Variants in EML6 observed in about 807,000 individuals in gnomAD.
The protein encoded by EML6 is echinoderm microtubule-associated protein-like 6.
EML6 carries 154 observed loss-of-function variants against 240.1 expected under a neutral mutation model. The observed-to-expected ratio is 0.64, with a 90% CI of 0.56 to 0.73. The LOEUF (loss-of-function observed/expected upper bound fraction) is 0.73, where lower values mean the gene tolerates loss of function less well. EML6 is among the 30% of genes least tolerant of loss of function. EML6 has a pLI of 0.00. For synonymous variants in EML6, 1,148 were observed against 899.0 expected (o/e 1.28, Z -4.95); for missense variants, 2,964 against 2,474.6 (o/e 1.20, Z -4.20).
In EML6 at chr2:54,959,246, G is replaced by C; in HGVS notation, c.4838G>C (p.Gly1613Ala). 6.5e-7 allele frequency: 1 copy of C among 1,538,312 alleles called. No homozygotes were observed. Among genetic ancestry groups the C allele is most frequent in the East Asian group, 2.5e-5 (1 of 40,352 alleles). ...TTLRDGLIVT[G>A]GKERPTKEGG... is the part of the protein sequence containing the mutation. ...CTTCGGGATGGACTCATAGTGACCGGCGGAAAAGAGAGGCCGTAAGCCAAA... is the reference window on the plus strand; with the variant it reads ...CTTCGGGATGGACTCATAGTGACCGCCGGAAAAGAGAGGCCGTAAGCCAAA... The change falls in exon 34 of 42, where the codon GGC (glycine) becomes GCC (alanine). Residue 1613 changes from glycine (G) to alanine (A), a missense_variant. Gly to Ala is a moderately conservative substitution (Grantham distance 60, BLOSUM62 0). Transcript: ENST00000356458.
chr2:54,897,978 A>G (rs1051592613), intron 21 of EML6, among the ~76,000 whole-genome samples: 2 of 152,144 alleles, frequency 1.3e-5, no homozygotes, highest in East Asian at 3.9e-4. Flanking sequence ...TTTTAGATCC[A>G]CTTTGCCGGT....
chr2:54,869,039 T>G, intron 14 of EML6, 142 bp from the exon 15 acceptor site: 1 of 551,400 alleles, frequency 1.8e-6, no homozygotes, highest in Non-Finnish European at 3.2e-6. Context: ...ATATCCTCAT[T>G]TAAACATTGC....
intron 2 of EML6, among the ~76,000 whole-genome samples, chr2:54,785,012 A>T (rs528533512): frequency 6.6e-5 from 10 of 152,140 alleles, no homozygotes; most frequent in Non-Finnish European, 1.3e-4. Context: ...TTGTAATATG[A>T]TGACTTTTCT....
At chr2:54,922,019 T>C (rs1674282756) in intron 26 of EML6, among the ~76,000 whole-genome samples, 2 of 152,182 alleles carry the variant, frequency 1.3e-5, no homozygotes, top group South Asian at 2.1e-4. Context: ...TTGGCAGTGA[T>C]TTCTTGGATG....
intron 16 of EML6, among the ~76,000 whole-genome samples, chr2:54,876,230 G>C (rs557900388): frequency 3.9e-5 from 6 of 152,274 alleles, no homozygotes; most frequent in African/African-American, 1.4e-4. Flanking sequence ...CGGCTTACAG[G>C]GAAAGTGAGA....
intron 2 of EML6, among the ~76,000 whole-genome samples, chr2:54,730,656 G>A (rs1022672779): frequency 8.5e-5 from 13 of 152,202 alleles, no homozygotes; most frequent in South Asian, 6.2e-4. Flanking sequence ...CTGTGCATTG[G>A]AAAGAGCGCA....
chr2:54,880,128 T>C (rs1671736794), intron 17 of EML6: 1 of 153,918 alleles, frequency 6.5e-6, no homozygotes, highest in African/African-American at 2.4e-5. Context: ...TTCCGTCTTA[T>C]AAATAGATTT....
At chr2:54,917,252 A>G (rs1432733024) in intron 26 of EML6, among the ~76,000 whole-genome samples, 5 of 152,044 alleles carry the variant, frequency 3.3e-5, no homozygotes, top group Non-Finnish European at 5.9e-5. Flanking sequence ...TCCACAGATG[A>G]GGAACTTAAT....
intron 17 of EML6, chr2:54,879,915 G>A (rs912499973): frequency 9.1e-6 from 3 of 328,912 alleles, no homozygotes; most frequent in East Asian, 5.4e-5. Context: ...CTGTATCAAA[G>A]CACTTCAGCA....
chr2:54,754,720 T>G (rs1009699382), intron 2 of EML6, among the ~76,000 whole-genome samples: 2 of 152,196 alleles, frequency 1.3e-5, no homozygotes, highest in South Asian at 2.1e-4. Context: ...TTATGATTAG[T>G]GCTGTCTGGG....
intron 22 of EML6, 69 bp from the exon 23 acceptor site, chr2:54,902,975 A>G: frequency 1.4e-6 from 2 of 1,413,424 alleles, no homozygotes; most frequent in South Asian, 2.6e-5. Flanking sequence ...AGATTTCTTC[A>G]TCTTTTCATG....
At position 54,928,336 on chromosome 2, in the gene EML6, G is replaced by C. The variant is rs374245690; in HGVS notation, c.3699G>C (p.Lys1233Asn). 6.4e-7 allele frequency: 1 copy of C among 1,551,988 alleles called. No homozygotes were observed. The highest frequency in any genetic ancestry group is 8.7e-7 in the Non-Finnish European group (1 of 1,147,104). Residue 1233 changes from lysine (K) to asparagine (N), a missense_variant, in exon 27 of 42, where the codon AAG becomes AAC. Lys to Asn is a moderately conservative substitution (Grantham distance 94, BLOSUM62 0). Coordinates refer to ENST00000356458, the MANE Select transcript of EML6 (RefSeq NM_001039753.4). Reference protein sequence around the residue: ...PVKGQHARFKKYVGHSAHVTN... With the variant: ...PVKGQHARFKNYVGHSAHVTN... ...AGGGACAGCACGCAAGATTCAAGAA[G>C]TATGTGGGGCACAGTGCACATGTCA...
At chr2:54,927,112 C>A (rs1341150991) in intron 26 of EML6, among the ~76,000 whole-genome samples, 1 of 152,174 alleles carries the variant, frequency 6.6e-6, no homozygotes, top group South Asian at 2.1e-4. Flanking sequence ...TTCTTTTGTT[C>A]TGCCTATTTG....
At chr2:54,889,615 GATTTGGT>G in intron 17 of EML6, among the ~76,000 whole-genome samples, 1 of 151,748 alleles carries the variant, frequency 6.6e-6, no homozygotes, top group Admixed American at 6.6e-5. Context: ...AAAGGTTATT[GATTTGGT>G]ATTCAATTTT....
intron 17 of EML6, among the ~76,000 whole-genome samples, chr2:54,890,069 G>A (rs1279933726): frequency 2.0e-5 from 3 of 152,180 alleles, no homozygotes; most frequent in South Asian, 2.1e-4. Context: ...TGTATTGGGT[G>A]TTGAGTGGTT....
At chr2:54,824,309 T>C (rs1366156029) in intron 5 of EML6, among the ~76,000 whole-genome samples, 1 of 152,206 alleles carries the variant, frequency 6.6e-6, no homozygotes. Flanking sequence ...TGGACATTTT[T>C]TCTAAGCAAA....
In EML6 at chr2:54,928,330, C is replaced by A. The variant is rs1310432555; in HGVS notation, c.3693C>A (p.Phe1231Leu). The change falls in exon 27 of 42, where the codon TTC becomes TTA. Residue 1231 changes from phenylalanine to leucine, a missense_variant. By Grantham distance (22) the Phe-to-Leu change is conservative. Coordinates refer to ENST00000356458, the MANE Select transcript of EML6 (RefSeq NM_001039753.4). Reference protein sequence around the residue: ...SYPVKGQHARFKKYVGHSAHV... With the variant: ...SYPVKGQHARLKKYVGHSAHV... ...CTTTACAGGGACAGCACGCAAGATT[C>A]AAGAAGTATGTGGGGCACAGTGCAC... 17 of 1,551,768 alleles carry A rather than the reference C, an allele frequency of 1.1e-5. No individual in the cohort carries two copies. The highest frequency in any genetic ancestry group is 2.0e-5 in the Admixed American group (1 of 50,930).
chr2:54,885,471 A>G (rs1001102059), intron 17 of EML6, among the ~76,000 whole-genome samples: 1 of 151,696 alleles, frequency 6.6e-6, no homozygotes, highest in African/African-American at 2.4e-5. Flanking sequence ...TTTTTTTTGG[A>G]TGCTTAATGT....
At chr2:54,843,584 C>CCT in intron 7 of EML6, among the ~76,000 whole-genome samples, 1 of 152,026 alleles carries the variant, frequency 6.6e-6, no homozygotes, top group Non-Finnish European at 1.5e-5. Context: ...GTGGCTCATG[C>CCT]CTGTAAACCC....
Sources: allele counts gnomAD v4.1 joint callset (sites outside exome capture counted in the v4.1 genomes callset), GRCh38; gene constraint gnomAD v4.1.1; transcripts MANE v1.5; gene names NCBI Gene and HGNC (gene_info 2026-07-23, HGNC 2026-07-21).